FBXW7: variants seen among roughly 807,000 people sequenced by gnomAD.
FBXW7 encodes the protein F-box/WD repeat-containing protein 7.
In FBXW7, 11 loss-of-function variants were observed where a neutral mutation model predicts 86.3. The ratio of observed to expected loss-of-function variants is 0.13; its 90% confidence interval spans 0.08 to 0.21. FBXW7 has a LOEUF of 0.21. FBXW7 is among the 10% of genes least tolerant of loss of function. The probability of loss-of-function intolerance (pLI) is 1.00; values close to 1 mark genes in which losing one functional copy is unlikely to be tolerated. For missense variants in FBXW7, 488 were observed against 847.4 expected (o/e 0.58, Z 5.27); for synonymous variants, 313 against 297.9 (o/e 1.05, Z -0.52).
chr4:152,323,052 C>T lies in FBXW7; in HGVS notation c.1953G>A (p.Leu651=), dbSNP rs2126463727. Residue 651 remains leucine (L), a synonymous_variant, in exon 14 of 14, where the codon TTG becomes TTA. Transcript: ENST00000281708. ...GGTTTCGAATAAATTCACCCGTTTT[C>T]AAGTCCCATAGTTTTACAGTTCCAT... ...SDDGTVKLWD[L]KTGEFIRNLV... The T allele has an allele frequency of 6.2e-7, 1 of 1,613,892 alleles. No homozygotes were observed. The highest frequency in any genetic ancestry group is 8.5e-7 in the Non-Finnish European group (1 of 1,179,860).
intron 2 of FBXW7, among the ~76,000 whole-genome samples, chr4:152,422,286 T>A (rs1490245943): frequency 6.6e-6 from 1 of 152,202 alleles, no homozygotes; most frequent in Non-Finnish European, 1.5e-5. Context: ...ATGTAAAAAG[T>A]AAATTAACTG....
intron 2 of FBXW7, among the ~76,000 whole-genome samples, chr4:152,515,937 G>A (rs929651158): frequency 7.2e-5 from 11 of 152,142 alleles, no homozygotes; most frequent in Admixed American, 2.0e-4. Context: ...ACATGGTGGC[G>A]GGGGTGGGCC....
intron 2 of FBXW7, among the ~76,000 whole-genome samples, chr4:152,471,163 T>A (rs1053452452): frequency 2.0e-5 from 3 of 147,932 alleles, no homozygotes; most frequent in Admixed American, 1.4e-4. Context: ...ATGAATAACA[T>A]CTATCCACAA....
intron 2 of FBXW7, among the ~76,000 whole-genome samples, chr4:152,510,009 A>T (rs1410321877): frequency 6.6e-6 from 1 of 152,340 alleles, no homozygotes; most frequent in East Asian, 1.9e-4. Flanking sequence ...TTAAAGTATA[A>T]GAGGGGAAAT....
At chr4:152,465,330 C>A (rs991536620) in intron 2 of FBXW7, among the ~76,000 whole-genome samples, 1 of 152,100 alleles carries the variant, frequency 6.6e-6, no homozygotes, top group African/African-American at 2.4e-5. Flanking sequence ...GATATAAAAG[C>A]TATTTTGCCT....
chr4:152,371,199 A>G (rs1733974027), intron 4 of FBXW7, among the ~76,000 whole-genome samples: 1 of 151,924 alleles, frequency 6.6e-6, no homozygotes, highest in African/African-American at 2.4e-5. Context: ...TAACACAAAT[A>G]TATCTACCAT....
intron 2 of FBXW7, among the ~76,000 whole-genome samples, chr4:152,438,931 G>A (rs1444390982): frequency 6.6e-6 from 1 of 152,222 alleles, no homozygotes; most frequent in Non-Finnish European, 1.5e-5. Flanking sequence ...ACATGTTCTT[G>A]TAGTGTACAT....
chr4:152,330,264 T>C (rs1017320009), intron 9 of FBXW7, among the ~76,000 whole-genome samples: 3 of 151,942 alleles, frequency 2.0e-5, no homozygotes, highest in African/African-American at 7.2e-5. Context: ...ATACGCCCAA[T>C]AATTTCAAGT....
intron 2 of FBXW7, among the ~76,000 whole-genome samples, chr4:152,465,959 A>G (rs1743387407): frequency 6.6e-6 from 1 of 152,170 alleles, no homozygotes; most frequent in Non-Finnish European, 1.5e-5. Context: ...TGATCCTAGC[A>G]CTATAAAATC....
chr4:152,506,502 T>A (rs1747443759), intron 2 of FBXW7, among the ~76,000 whole-genome samples: 1 of 152,074 alleles, frequency 6.6e-6, no homozygotes, highest in African/African-American at 2.4e-5. Context: ...AACACATGAG[T>A]AAGGTACAGC....
chr4:152,476,904 AAAG>A (rs1393604887), intron 2 of FBXW7, among the ~76,000 whole-genome samples: 509 of 152,282 alleles, frequency 3.3e-3, no homozygotes, highest in African/African-American at 0.011. Flanking sequence ...CAAAGCAAAG[AAAG>A]GCATTCTTAC....
intron 4 of FBXW7, among the ~76,000 whole-genome samples, chr4:152,364,151 C>T (rs990250620): frequency 2.0e-5 from 3 of 152,104 alleles, no homozygotes; most frequent in African/African-American, 4.8e-5. Context: ...CCAGTGGCTC[C>T]GCTTGGTTAA....
At chr4:152,473,442 T>A (rs965327201) in intron 2 of FBXW7, among the ~76,000 whole-genome samples, 7 of 152,200 alleles carry the variant, frequency 4.6e-5, no homozygotes, top group African/African-American at 1.7e-4. Flanking sequence ...TAGAAAATCT[T>A]ACATTTTTTA....
intron 5 of FBXW7, 74 bp downstream of exon 5, chr4:152,349,968 A>C (rs1731648949): frequency 1.2e-6 from 1 of 817,512 alleles, no homozygotes; most frequent in African/African-American, 1.7e-5. Flanking sequence ...ATTCTACAAG[A>C]ATAAACTAAA....
At chr4:152,414,430 GT>G (rs1738248565) in intron 2 of FBXW7, among the ~76,000 whole-genome samples, 2 of 152,032 alleles carry the variant, frequency 1.3e-5, no homozygotes, top group African/African-American at 4.8e-5. Context: ...CTGGAAATAA[GT>G]TTGTCAGGTG....
At chr4:152,404,526 T>C (rs1737239024) in intron 4 of FBXW7, among the ~76,000 whole-genome samples, 1 of 152,244 alleles carries the variant, frequency 6.6e-6, no homozygotes, top group South Asian at 2.1e-4. Flanking sequence ...GATCACACTG[T>C]ATAGAGTTTT....
intron 2 of FBXW7, among the ~76,000 whole-genome samples, chr4:152,446,522 A>C (rs1741416387): frequency 6.6e-6 from 1 of 152,222 alleles, no homozygotes; most frequent in Non-Finnish European, 1.5e-5. Flanking sequence ...ATGTTCATAC[A>C]TAATTTGATC....
At chr4:152,354,281 TG>T (rs1732145568) in intron 4 of FBXW7, among the ~76,000 whole-genome samples, 1 of 152,042 alleles carries the variant, frequency 6.6e-6, no homozygotes, top group African/African-American at 2.4e-5. Context: ...AGGAACAATA[TG>T]TATATGTACT....
At chr4:152,419,494 A>AACACACACACACACACACAC (rs57894523) in intron 2 of FBXW7, among the ~76,000 whole-genome samples, 49 of 123,342 alleles carry the variant, frequency 4.0e-4, no homozygotes, top group South Asian at 8.8e-4. Context: ...GGATAAGGTA[A>AACACACACACACACACACAC]ACACACACAC....
Sources: gnomAD v4.1 joint callset for allele counts (sites outside exome capture counted in the v4.1 genomes callset) on GRCh38, gnomAD v4.1.1 for gene constraint, MANE v1.5 for transcripts, NCBI Gene and HGNC (gene_info 2026-07-23, HGNC 2026-07-21) for gene names.